Variants in SEMA6D observed in about 807,000 individuals in gnomAD.
The protein encoded by SEMA6D is semaphorin-6D.
In SEMA6D, 35 loss-of-function variants were observed where a neutral mutation model predicts 106.6. That is an observed-to-expected ratio of 0.33 (90% CI 0.25 to 0.44). The LOEUF (loss-of-function observed/expected upper bound fraction) is 0.44, where lower values mean the gene tolerates loss of function less well. Ranked by LOEUF, SEMA6D falls within the 20% of genes least tolerant of loss-of-function variation. The pLI is 1.00. For synonymous variants in SEMA6D, 499 were observed against 487.7 expected (o/e 1.02, Z -0.31); for missense variants, 1,185 against 1,345.9 (o/e 0.88, Z 1.87).
At chr15:47,426,070 A>T (rs2041327663) in intron 2 of SEMA6D, among the ~76,000 whole-genome samples, 1 of 152,140 alleles carries the variant, frequency 6.6e-6, no homozygotes, top group Non-Finnish European at 1.5e-5. Flanking sequence ...TATTTGTCTC[A>T]TGTCTTGAAA....
chr15:47,620,388 G>A (rs2077077876), intron 4 of SEMA6D, among the ~76,000 whole-genome samples: 1 of 152,234 alleles, frequency 6.6e-6, no homozygotes, highest in African/African-American at 2.4e-5. Context: ...ATCTGCTTCA[G>A]CATGTCAGCA....
intron 1 of SEMA6D, among the ~76,000 whole-genome samples, chr15:47,383,697 A>C (rs930675362): frequency 5.3e-5 from 8 of 152,356 alleles, no homozygotes; most frequent in Non-Finnish European, 1.2e-4. Flanking sequence ...TAAGATAATA[A>C]AAATTGAAGC....
intron 4 of SEMA6D, among the ~76,000 whole-genome samples, chr15:47,651,934 T>C (rs1274410288): frequency 6.6e-6 from 1 of 152,232 alleles, no homozygotes; most frequent in African/African-American, 2.4e-5. Context: ...CCTGGATATA[T>C]CTTGGATGAT....
intron 4 of SEMA6D, among the ~76,000 whole-genome samples, chr15:47,661,652 C>T (rs1189798316): frequency 6.6e-6 from 1 of 152,160 alleles, no homozygotes; most frequent in East Asian, 1.9e-4. Context: ...ACTGTTTGTG[C>T]GTCCAAGAAG....
intron 1 of SEMA6D, among the ~76,000 whole-genome samples, chr15:47,379,175 A>G (rs534725901): frequency 6.6e-6 from 1 of 152,184 alleles, no homozygotes. Flanking sequence ...ATTAATTCAA[A>G]TTGTTTACAT....
chr15:47,555,012 G>A lies in SEMA6D; in HGVS notation c.-86-45853G>A, dbSNP rs148862012. ...CCGTAAGTAGGCAGTGCTTTTTCTG[G>A]ACAACAATTGAGCCTTCCAAGCAGG... On this transcript the variant is annotated intron_variant, in intron 3 of 19. Transcript: ENST00000558014. Among the ~76,000 whole-genome samples, 52 of 152,214 alleles carry A rather than the reference G, an allele frequency of 3.4e-4. No individual in the cohort carries two copies. In the East Asian group the frequency reaches 9.4e-3, roughly 28 times the overall value.
At chr15:47,680,892 T>C (rs920562076) in intron 4 of SEMA6D, among the ~76,000 whole-genome samples, 1 of 152,168 alleles carries the variant, frequency 6.6e-6, no homozygotes, top group Admixed American at 6.5e-5. Context: ...CAATGAGGTA[T>C]CACCTCACAT....
chr15:47,573,234 G>T (rs1240693205), intron 3 of SEMA6D, among the ~76,000 whole-genome samples: 2 of 151,632 alleles, frequency 1.3e-5, no homozygotes, highest in East Asian at 3.9e-4. Context: ...ACTGAACAAA[G>T]TACTTAATTA....
rs114874703 is a variant in SEMA6D at position 47,517,261 on chromosome 15, G to A, written c.-87+46716G>A. On this transcript the variant is annotated intron_variant, in intron 3 of 19. Coordinates refer to the SEMA6D transcript ENST00000558014. Reference sequence around the variant, plus strand: ...ATCAGTTACTGCTTTGAAAACCAGGGGTTTTCAAGATGGGTATGTTAGAAA... The same window carrying A: ...ATCAGTTACTGCTTTGAAAACCAGGAGTTTTCAAGATGGGTATGTTAGAAA... Among the ~76,000 whole-genome samples, 1,361 of 152,072 alleles carry A rather than the reference G, an allele frequency of 8.9e-3. 20 individuals are homozygous for A. Among genetic ancestry groups the A allele is most frequent in the African/African-American group, 0.031 (1,300 of 41,470 alleles).
intron 1 of SEMA6D, among the ~76,000 whole-genome samples, chr15:47,753,591 G>A (rs2081561139): frequency 6.6e-6 from 1 of 152,188 alleles, no homozygotes; most frequent in African/African-American, 2.4e-5. Flanking sequence ...GAGCAAGCTG[G>A]AAGAATAAGA....
chr15:47,756,422 G>A (rs78751548), intron 1 of SEMA6D, among the ~76,000 whole-genome samples: 4,987 of 152,088 alleles, frequency 0.033, 295 homozygotes, highest in African/African-American at 0.11. Flanking sequence ...GATTTACTGC[G>A]GAGCAGGCTC....
chr15:47,432,964 T>A (rs1199859360), intron 2 of SEMA6D, among the ~76,000 whole-genome samples: 1 of 152,084 alleles, frequency 6.6e-6, no homozygotes, highest in Non-Finnish European at 1.5e-5. Context: ...TTGGGTAAAA[T>A]GATTTTATTA....
At chr15:47,586,526 G>T (rs982810874) in intron 3 of SEMA6D, among the ~76,000 whole-genome samples, 5 of 152,134 alleles carry the variant, frequency 3.3e-5, no homozygotes, top group African/African-American at 1.2e-4. Flanking sequence ...ACCAAATATG[G>T]TCCTCTCTTT....
chr15:47,419,072 A>C (rs1377157337), intron 2 of SEMA6D, among the ~76,000 whole-genome samples: 1 of 152,102 alleles, frequency 6.6e-6, no homozygotes, highest in African/African-American at 2.4e-5. Context: ...GGAAGAGAGG[A>C]TTTCATGAGA....
chr15:47,290,428 A>T (rs1006137680), intron 1 of SEMA6D, among the ~76,000 whole-genome samples: 14 of 152,204 alleles, frequency 9.2e-5, no homozygotes, highest in African/African-American at 3.4e-4. Context: ...TGGGAGATGA[A>T]GAATTGTTCA....
At chr15:47,336,558 T>C (rs537656023) in intron 1 of SEMA6D, among the ~76,000 whole-genome samples, 3 of 152,230 alleles carry the variant, frequency 2.0e-5, no homozygotes, top group Non-Finnish European at 4.4e-5. Context: ...GCTACCCCTA[T>C]GATCGAAGGA....
intron 4 of SEMA6D, among the ~76,000 whole-genome samples, chr15:47,629,353 G>A (rs2077256041): frequency 6.6e-6 from 1 of 151,912 alleles, no homozygotes. Flanking sequence ...GAAACCAATA[G>A]GTCAATTTAG....
At chr15:47,358,110 T>G (rs942496572) in intron 1 of SEMA6D, among the ~76,000 whole-genome samples, 3 of 151,942 alleles carry the variant, frequency 2.0e-5, no homozygotes, top group Admixed American at 2.0e-4. Context: ...GGGCTCTGAG[T>G]TTTTCCTAAG....
chr15:47,453,739 G>A (rs1247661653), intron 2 of SEMA6D, among the ~76,000 whole-genome samples: 2 of 151,874 alleles, frequency 1.3e-5, no homozygotes, highest in African/African-American at 4.8e-5. Flanking sequence ...TCAAAAAGAT[G>A]GCGTAGAAGA....
Sources: gnomAD v4.1 joint callset for allele counts (sites outside exome capture counted in the v4.1 genomes callset) on GRCh38, gnomAD v4.1.1 for gene constraint, MANE v1.5 for transcripts, NCBI Gene and HGNC (gene_info 2026-07-23, HGNC 2026-07-21) for gene names.